The following TM9SF3 variants were observed in gnomAD, a reference collection of about 807,000 sequenced individuals.
TM9SF3 encodes SM-11044-binding protein.
In TM9SF3, 14 loss-of-function variants were observed where a neutral mutation model predicts 78.6. The observed-to-expected ratio is 0.18, with a 90% CI of 0.12 to 0.28. The LOEUF is 0.28. Among genes scored for constraint, TM9SF3 ranks in the 10% least tolerant of loss-of-function variants. The pLI is 1.00. For synonymous variants in TM9SF3, 231 were observed against 241.7 expected, an observed-to-expected ratio of 0.96 and a Z score of 0.41; for missense variants, 496 against 721.9, an observed-to-expected ratio of 0.69 and a Z score of 3.59.
intron 8 of TM9SF3, 104 bp downstream of exon 8, chr10:96,547,791 G>A (rs1222129399): frequency 5.3e-6 from 5 of 947,296 alleles, no homozygotes; most frequent in Non-Finnish European, 8.1e-6. Context: ...CTGCACTCCA[G>A]CCTGGGTGAT....
intron 3 of TM9SF3, among the ~76,000 whole-genome samples, chr10:96,563,076 A>C (rs1047652948): frequency 6.6e-6 from 1 of 151,996 alleles, no homozygotes; most frequent in African/African-American, 2.4e-5. Flanking sequence ...TCCTTCTTTT[A>C]TCTTTATTTG....
At chr10:96,569,393 G>A (rs185968178) in intron 2 of TM9SF3, among the ~76,000 whole-genome samples, 1 of 152,122 alleles carries the variant, frequency 6.6e-6, no homozygotes, top group Admixed American at 6.5e-5. Context: ...GCCTACCATC[G>A]TGCTGGAATG....
At chr10:96,540,635 T>G (rs769012751) in intron 9 of TM9SF3, among the ~76,000 whole-genome samples, 2 of 152,022 alleles carry the variant, frequency 1.3e-5, no homozygotes, top group Non-Finnish European at 2.9e-5. Flanking sequence ...TTTTTTACTT[T>G]GTTACATCAC....
chr10:96,578,110 C>T (rs752849599), intron 1 of TM9SF3, among the ~76,000 whole-genome samples: 33 of 152,140 alleles, frequency 2.2e-4, no homozygotes, highest in Non-Finnish European at 4.4e-4. Flanking sequence ...CCAAAAACAT[C>T]TGCCTTTTTC....
At chr10:96,542,826 CCTAA>C (rs1469607873) in intron 9 of TM9SF3, among the ~76,000 whole-genome samples, 1 of 150,992 alleles carries the variant, frequency 6.6e-6, no homozygotes, top group South Asian at 2.1e-4. Context: ...TCAAAATATT[CCTAA>C]CTAAAAGGTA....
Position 96,586,828 on chromosome 10 carries a change from G to A in TM9SF3, c.8C>T (p.Pro3Leu), listed in dbSNP as rs909320717. MR[P>L]LPGALGVAAA... ...CGCCACGCCAAGAGCGCCAGGCAGC[G>A]GCCTCATCCTCCGCGCCCCTCCGGC... is the stretch of plus-strand genomic sequence containing the variant. The change falls in exon 1 of 15, where the codon CCG (proline) becomes CTG (leucine). Residue 3 changes from proline to leucine, a missense_variant. By Grantham distance (98) the Pro-to-Leu change is moderately conservative (BLOSUM62 -3). This residue lies in a region of TM9SF3 where 58 missense variants were observed against 32.9 expected (regional missense o/e 1.76). Transcript: ENST00000371142. 174 of 1,230,760 alleles carry A rather than the reference G, an allele frequency of 1.4e-4. No individual in the cohort carries two copies. The highest frequency in any genetic ancestry group is 3.1e-4 in the Middle Eastern group (1 of 3,184). 76.2% of individuals were successfully genotyped at this position (1,230,760 alleles called of 1,614,324 possible).
Position 96,518,812 on chromosome 10 carries a change from A to G in TM9SF3, c.*3451T>C, listed in dbSNP as rs1375001400. On this transcript the variant is annotated 3_prime_UTR_variant, in exon 15 of 15. Transcript: ENST00000371142. Reference sequence around the variant, plus strand: ...ACACACTTCCAAATACTCTTCATAAATTTTCACTTCTGACTGAAATATAAC... The same window carrying G: ...ACACACTTCCAAATACTCTTCATAAGTTTTCACTTCTGACTGAAATATAAC... 2.7e-5 allele frequency: 4 copies of G among 149,882 alleles called. No individual in the cohort carries two copies. Among genetic ancestry groups the G allele is most frequent in the Non-Finnish European group, 5.9e-5 (4 of 67,452 alleles). The allele number at this position is 149,882 out of a possible 1,614,324, so 9.3% of individuals were successfully genotyped here.
intron 14 of TM9SF3, among the ~76,000 whole-genome samples, chr10:96,525,270 C>G (rs1483822303): frequency 1.3e-5 from 2 of 152,002 alleles, no homozygotes; most frequent in Non-Finnish European, 2.9e-5. Context: ...ATGTTTCCAC[C>G]TGACACAATG....
At chr10:96,543,562 T>C (rs1306744675) in intron 9 of TM9SF3, 1 of 151,828 alleles carries the variant, frequency 6.6e-6, no homozygotes, top group African/African-American at 2.4e-5. Context: ...ATGGTCTCAA[T>C]CTCCTGACCT....
chr10:96,527,937 AT>A, intron 12 of TM9SF3, 93 bp downstream of exon 12: 1 of 1,277,958 alleles, frequency 7.8e-7, no homozygotes, highest in Non-Finnish European at 1.1e-6. Context: ...CAACATTTCT[AT>A]ACAGCTCTTT....
chr10:96,586,689 C>A, intron 1 of TM9SF3, 45 bp downstream of exon 1: 1 of 1,213,758 alleles, frequency 8.2e-7, no homozygotes, highest in Non-Finnish European at 1.0e-6. Flanking sequence ...CAGTGGGCAA[C>A]TGGGGAGCTA....
rs900875986 is a variant in TM9SF3, at chr10:96,586,927, G to T, written c.-92C>A. 61 of 1,028,144 alleles carry T rather than the reference G, an allele frequency of 5.9e-5. No homozygotes were observed. The African/African-American group carries it at 1.0e-3, about 17-fold the overall frequency. 63.7% of individuals were successfully genotyped at this position (1,028,144 alleles called of 1,614,324 possible). The stretch of plus-strand genomic sequence containing the variant: ...CCGCCGCCTCCGCCGCGGCCGATTC[G>T]CATCCACGGGGCGCGGACAGACGCA... On this transcript the variant is annotated 5_prime_UTR_variant, in exon 1 of 15. Transcript: ENST00000371142.
At chr10:96,525,720 C>T (rs772016268) in intron 14 of TM9SF3, among the ~76,000 whole-genome samples, 5 of 152,022 alleles carry the variant, frequency 3.3e-5, no homozygotes, top group African/African-American at 7.2e-5. Context: ...TGATTAGTCC[C>T]GCAGCCTTAC....
At chr10:96,552,840 G>A (rs530565617) in intron 6 of TM9SF3, 88 bp downstream of exon 6, 228 of 1,235,432 alleles carry the variant, frequency 1.8e-4, no homozygotes, top group Non-Finnish European at 2.3e-4. Flanking sequence ...AAAGACTTCC[G>A]GTAAGAAATT....
intron 9 of TM9SF3, among the ~76,000 whole-genome samples, chr10:96,538,518 G>GA (rs942697691): frequency 6.6e-6 from 1 of 152,078 alleles, no homozygotes; most frequent in South Asian, 2.1e-4. Context: ...AAGCATAAAA[G>GA]AAAAAATATA....
intron 1 of TM9SF3, among the ~76,000 whole-genome samples, chr10:96,584,658 T>C (rs1848609841): frequency 6.6e-6 from 1 of 152,028 alleles, no homozygotes; most frequent in Admixed American, 6.6e-5. Flanking sequence ...CTACTAAAAA[T>C]ACAAAAATTA....
chr10:96,552,519 C>T (rs1848185732), intron 6 of TM9SF3, among the ~76,000 whole-genome samples: 1 of 152,142 alleles, frequency 6.6e-6, no homozygotes, highest in African/African-American at 2.4e-5. Flanking sequence ...ACTTTTTGTT[C>T]TCTAACTTAG....
chr10:96,550,981 A>G (rs1368753506), intron 7 of TM9SF3, among the ~76,000 whole-genome samples: 4 of 152,130 alleles, frequency 2.6e-5, no homozygotes, highest in African/African-American at 9.7e-5. Flanking sequence ...ATTGAAAGTA[A>G]CCTCTGTTCA....
chr10:96,576,838 A>G lies in TM9SF3; in HGVS notation c.103-9T>C. On this transcript the variant is annotated splice_polypyrimidine_tract_variant and intron_variant, in intron 1 of 14. Transcript: ENST00000371142. ...TCCTCTTTATCTTGATACTGAAACA[A>G]GAAAAGCAAACAAGAATTAAAAAAA... The G allele has an allele frequency of 6.7e-7, 1 of 1,496,280 alleles. No homozygotes were observed. The highest frequency in any genetic ancestry group is 1.5e-5 in the African/African-American group (1 of 68,562). 92.7% of individuals were successfully genotyped at this position (1,496,280 alleles called of 1,614,324 possible).
Sources: gnomAD v4.1 joint callset for allele counts (sites outside exome capture counted in the v4.1 genomes callset) on GRCh38, gnomAD v4.1.1 for gene constraint, gnomAD v4.1.1 regional missense constraint, MANE v1.5 for transcripts, NCBI Gene and HGNC (gene_info 2026-07-23, HGNC 2026-07-21) for gene names.